Variants in MME observed in about 807,000 individuals in gnomAD.
MME encodes neprilysin.
A neutral mutation model predicts 113.2 loss-of-function variants in MME; 98 were observed. That is an observed-to-expected ratio of 0.87 (90% CI 0.74 to 1.02). The LOEUF (loss-of-function observed/expected upper bound fraction) is 1.02, where lower values mean the gene tolerates loss of function less well. Among genes scored for constraint, MME ranks in the 50% least tolerant of loss-of-function variants. The probability of loss-of-function intolerance (pLI) is 0.00; values close to 1 mark genes in which losing one functional copy is unlikely to be tolerated. For synonymous variants in MME, 292 were observed against 300.6 expected (o/e 0.97, Z 0.30); for missense variants, 836 against 896.0 (o/e 0.93, Z 0.86).
At chr3:155,175,981 G>A (rs1282901033) in intron 22 of MME, among the ~76,000 whole-genome samples, 2 of 152,096 alleles carry the variant, frequency 1.3e-5, no homozygotes, top group African/African-American at 4.8e-5. Context: ...ATCTATTACA[G>A]CATTTATTTA....
rs201337610 is a variant in MME, at chr3:155,181,516, T to C, written c.*1057T>C. The C allele has an allele frequency of 7.2e-5, 11 of 152,148 alleles. No homozygotes were observed. The highest frequency in any genetic ancestry group is 1.2e-4 in the Non-Finnish European group (8 of 68,020). 9.4% of individuals were successfully genotyped at this position (152,148 alleles called of 1,614,324 possible). Reference sequence around the variant, plus strand: ...AAGGGCAAATCTGCACCTATGTAGCTCTGCATCTCCTGTCTTTTCAGGTTT... The same window carrying C: ...AAGGGCAAATCTGCACCTATGTAGCCCTGCATCTCCTGTCTTTTCAGGTTT... On this transcript the variant is annotated 3_prime_UTR_variant, in exon 23 of 23. Transcript: ENST00000360490.
chr3:155,106,809 G>T (rs1358193116), intron 3 of MME, among the ~76,000 whole-genome samples: 11 of 152,162 alleles, frequency 7.2e-5, no homozygotes, highest in African/African-American at 1.2e-4. Context: ...ACAACAGAAG[G>T]TTCGGTCAGA....
At chr3:155,167,042 T>C (rs1723152483) in intron 18 of MME, 21 bp downstream of exon 18, 1 of 1,613,170 alleles carries the variant, frequency 6.2e-7, no homozygotes, top group African/African-American at 1.3e-5. Flanking sequence ...GTTGACATTT[T>C]CCTTTGGCTG....
chr3:155,138,302 A>C (rs961979843), intron 9 of MME, 66 bp downstream of exon 9: 1 of 1,516,838 alleles, frequency 6.6e-7, no homozygotes, highest in Admixed American at 1.7e-5. Context: ...TCCCCTCTCT[A>C]TCATACTTTA....
In MME at chr3:155,116,856, T is replaced by C. The variant is rs1294126956; in HGVS notation, c.536-12T>C. 1 of 1,577,304 alleles carries C rather than the reference T, an allele frequency of 6.3e-7. No individual in the cohort carries two copies. ...AGCTTCTAAAGATATATTTTATCTT[T>C]TATTGCTTTAGGTGCTTCTTGGACA... On this transcript the variant is annotated splice_polypyrimidine_tract_variant and intron_variant, in intron 6 of 22. Transcript: ENST00000360490.
chr3:155,040,676 C>T (rs1221014741), intron 1 of MME, among the ~76,000 whole-genome samples: 1 of 151,614 alleles, frequency 6.6e-6, no homozygotes, highest in Non-Finnish European at 1.5e-5. Context: ...TGAAAGTATC[C>T]AGGATTTGTT....
At position 155,180,626 on chromosome 3, in the gene MME, G is replaced by T. The variant is rs3821717; in HGVS notation, c.*167G>T. On this transcript the variant is annotated 3_prime_UTR_variant, in exon 23 of 23. Transcript: ENST00000360490. ...AGATAACATTAGGTTGTCCTAGAAA[G>T]GGTGTGGAGGGAGGAAGGGGGTCTA... The T allele has an allele frequency of 0.045, 29,584 of 658,932 alleles. 1,210 individuals are homozygous for T. The highest frequency in any genetic ancestry group is 0.13 in the South Asian group (7,928 of 60,788). 40.8% of individuals were successfully genotyped at this position (658,932 alleles called of 1,614,324 possible). A position where few individuals can be genotyped will look rare whatever the true frequency, so the allele number is the denominator to read the frequency against.
chr3:155,044,223 G>T (rs1429849144), intron 1 of MME, among the ~76,000 whole-genome samples: 1 of 141,798 alleles, frequency 7.1e-6, no homozygotes, highest in Non-Finnish European at 1.5e-5. Context: ...ACCTCTGCCT[G>T]CCGGGTTCAA....
chr3:155,119,410 CTT>C (rs781633297), intron 8 of MME, among the ~76,000 whole-genome samples: 3,916 of 112,234 alleles, frequency 0.035, 141 homozygotes, highest in African/African-American at 0.12. Context: ...TTCACGTGCT[CTT>C]TTTTTTTTTT....
chr3:155,134,044 C>A (rs1015411427), intron 8 of MME, among the ~76,000 whole-genome samples: 17 of 151,712 alleles, frequency 1.1e-4, no homozygotes, highest in African/African-American at 4.1e-4. Flanking sequence ...ATTCTGATTA[C>A]CTTAAATAGA....
chr3:155,129,663 A>C (rs1020686253), intron 8 of MME, among the ~76,000 whole-genome samples: 1 of 152,196 alleles, frequency 6.6e-6, no homozygotes, highest in African/African-American at 2.4e-5. Context: ...TTCTTGTGCT[A>C]TATCTTTGTT....
intron 3 of MME, among the ~76,000 whole-genome samples, chr3:155,091,694 A>T (rs1405142850): frequency 6.6e-6 from 1 of 152,230 alleles, no homozygotes; most frequent in Non-Finnish European, 1.5e-5. Context: ...CTTTGATATG[A>T]TATGAAGCTC....
chr3:155,133,039 TAA>T (rs796968290), intron 8 of MME, among the ~76,000 whole-genome samples: 744 of 47,990 alleles, frequency 0.016, 10 homozygotes, highest in African/African-American at 0.049. Context: ...AAACCCCGTC[TAA>T]AAAAAAAAAA....
At chr3:155,111,011 G>A (rs926412430) in intron 3 of MME, among the ~76,000 whole-genome samples, 2 of 152,192 alleles carry the variant, frequency 1.3e-5, no homozygotes, top group African/African-American at 4.8e-5. Context: ...TTACTCAGAT[G>A]TCAGAGATCC....
chr3:155,062,769 A>C (rs2108136980), intron 1 of MME, among the ~76,000 whole-genome samples: 1 of 152,202 alleles, frequency 6.6e-6, no homozygotes, highest in East Asian at 1.9e-4. Context: ...AAAAGGAAAG[A>C]ATTGACTGGG....
At chr3:155,034,449 G>A (rs1713067377) in intron 1 of MME, among the ~76,000 whole-genome samples, 1 of 152,296 alleles carries the variant, frequency 6.6e-6, no homozygotes, top group Admixed American at 6.5e-5. Flanking sequence ...AGGAGCAAGA[G>A]GTTAGAAGTG....
Position 155,089,037 on chromosome 3 carries a change from G to A in MME, c.196+3943G>A, listed in dbSNP as rs115198260. ...TTGGTGTTACATATTTAAAATCTGA[G>A]CATCTAGGATTTAAATATTTATGAT... On this transcript the variant is annotated intron_variant, in intron 3 of 22. Transcript: ENST00000360490. 2.9e-3 allele frequency among the ~76,000 whole-genome samples: 442 copies of A among 152,162 alleles called. 3 individuals are homozygous for A. Among genetic ancestry groups the A allele is most frequent in the African/African-American group, 0.01 (424 of 41,508 alleles).
intron 22 of MME, among the ~76,000 whole-genome samples, chr3:155,179,038 T>C (rs1712826812): frequency 6.6e-6 from 1 of 152,138 alleles, no homozygotes; most frequent in African/African-American, 2.4e-5. Flanking sequence ...GGATAGTCCC[T>C]GTAAGAGGAG....
chr3:155,092,803 A>G (rs1716403087), intron 3 of MME, among the ~76,000 whole-genome samples: 1 of 152,176 alleles, frequency 6.6e-6, no homozygotes, highest in Non-Finnish European at 1.5e-5. Flanking sequence ...AAGAAGCAAA[A>G]CTATAGGGGC....
Sources: allele counts gnomAD v4.1 joint callset (sites outside exome capture counted in the v4.1 genomes callset), GRCh38; gene constraint gnomAD v4.1.1; transcripts MANE v1.5; gene names NCBI Gene and HGNC (gene_info 2026-07-23, HGNC 2026-07-21).